The following KIF27 variants were observed in gnomAD, a reference collection of about 807,000 sequenced individuals.
KIF27 encodes the protein kinesin-like protein KIF27.
A neutral mutation model predicts 141.8 loss-of-function variants in KIF27; 84 were observed. That is an observed-to-expected ratio of 0.59 (90% confidence interval 0.50 to 0.71). The LOEUF (loss-of-function observed/expected upper bound fraction) is 0.71, where lower values mean the gene tolerates loss of function less well. KIF27 is among the 30% of genes least tolerant of loss of function. The pLI, the probability that KIF27 is intolerant of heterozygous loss-of-function variation, is 0.00. For missense variants in KIF27, 1,306 were observed against 1,628.4 expected (o/e 0.80, Z 3.41); for synonymous variants, 471 against 569.5 (o/e 0.83, Z 2.46).
At chr9:83,863,296 G>C (rs62561950) in intron 13 of KIF27, among the ~76,000 whole-genome samples, 2,395 of 152,074 alleles carry the variant, frequency 0.016, 79 homozygotes, top group African/African-American at 0.056. Flanking sequence ...CATTCAGTAC[G>C]ATATTGGCTG....
chr9:83,888,477 A>C lies in KIF27; in HGVS notation c.2083+12T>G. The C allele has an allele frequency of 7.6e-7, 1 of 1,316,986 alleles. No individual in the cohort carries two copies. The highest frequency in any genetic ancestry group is 1.3e-5 in the South Asian group (1 of 76,428). The allele number at this position is 1,316,986 out of a possible 1,614,324, so 81.6% of individuals were successfully genotyped here. ...ACCATTAGGTCTACATTATTTAAGA[A>C]GATCTATGTACCTTCATTCTCCAAA... On this transcript the variant is annotated intron_variant, in intron 8 of 17. Transcript: ENST00000297814.
At chr9:83,880,249 C>T (rs1343362452) in intron 11 of KIF27, 48 bp downstream of exon 11, 19 of 1,611,478 alleles carry the variant, frequency 1.2e-5, no homozygotes, top group Non-Finnish European at 1.4e-5. Context: ...AGCTCTGAGC[C>T]GTTTAACATT....
intron 5 of KIF27, among the ~76,000 whole-genome samples, chr9:83,895,951 T>C (rs7038235): frequency 0.2 from 28,351 of 142,960 alleles, 2,102 homozygotes; most frequent in African/African-American, 0.35. Context: ...ACTAGGGAGG[T>C]GGAGGCAGGA....
In KIF27 at chr9:83,853,110, T is replaced by TA. The variant is rs747711977; in HGVS notation, c.3357+518dup. Among the ~76,000 whole-genome samples the TA allele has an allele frequency of 2.8e-3, 433 of 152,304 alleles. 1 individual carries two copies. The highest frequency in any genetic ancestry group is 4.3e-3 in the Non-Finnish European group (291 of 68,024). On this transcript the variant is annotated intron_variant, in intron 15 of 17. Transcript: ENST00000297814. The stretch of plus-strand genomic sequence containing the variant: ...CTGGATCAGTAAATTGTCTAATCTG[T>TA]AAAAAATACATTTTAATTGATTTAA...
intron 3 of KIF27, among the ~76,000 whole-genome samples, chr9:83,905,244 G>C (rs1954392266): frequency 6.6e-6 from 1 of 151,842 alleles, no homozygotes; most frequent in Non-Finnish European, 1.5e-5. Context: ...TCAGCCTCCT[G>C]AGTAGCTGGG....
At chr9:83,838,474 A>G (rs1273056192) in intron 17 of KIF27, among the ~76,000 whole-genome samples, 2 of 152,070 alleles carry the variant, frequency 1.3e-5, no homozygotes, top group Non-Finnish European at 2.9e-5. Context: ...ACCTCAGGTG[A>G]TCCGCCTGCC....
In KIF27 at chr9:83,836,308, T is replaced by C. The variant is rs1223677710; in HGVS notation, c.*693A>G. 6.6e-6 allele frequency among the ~76,000 whole-genome samples: 1 copy of C among 152,018 alleles called. No individual in the cohort carries two copies. The highest frequency in any genetic ancestry group is 2.4e-5 in the African/African-American group (1 of 41,324). ...GAACAGCATTCATTTCTCCCAGTTT[T>C]AGTAACATAATGAGAGATATATTGA... On this transcript the variant is annotated 3_prime_UTR_variant, in exon 18 of 18. Coordinates refer to ENST00000297814, the MANE Select transcript of KIF27 (RefSeq NM_017576.4).
chr9:83,862,102 A>C (rs1407786873), intron 13 of KIF27, among the ~76,000 whole-genome samples: 1 of 151,848 alleles, frequency 6.6e-6, no homozygotes, highest in African/African-American at 2.4e-5. Flanking sequence ...TAGATTGCAA[A>C]AATTTTCTCC....
intron 6 of KIF27, among the ~76,000 whole-genome samples, chr9:83,890,474 A>G (rs1330019585): frequency 6.6e-6 from 1 of 152,252 alleles, no homozygotes; most frequent in Non-Finnish European, 1.5e-5. Flanking sequence ...TAAGGAGCAA[A>G]TAATAAAATC....
At chr9:83,841,671 G>C (rs578009098) in intron 17 of KIF27, among the ~76,000 whole-genome samples, 251 of 151,990 alleles carry the variant, frequency 1.7e-3, no homozygotes, top group African/African-American at 5.8e-3. Context: ...TTAATCATAG[G>C]AATATATTAC....
chr9:83,908,304 A>C (rs2132669713), intron 3 of KIF27, 148 bp downstream of exon 3: 1 of 528,438 alleles, frequency 1.9e-6, no homozygotes, highest in Admixed American at 3.5e-5. Flanking sequence ...ATTAATAATA[A>C]AGCTGTTCAA....
chr9:83,860,662 A>G (rs909045732), intron 13 of KIF27, among the ~76,000 whole-genome samples: 1 of 152,204 alleles, frequency 6.6e-6, no homozygotes, highest in African/African-American at 2.4e-5. Context: ...CTTATCAGGA[A>G]ATCTTTTCAA....
chr9:83,884,031 A>G lies in KIF27; in HGVS notation c.2240-13T>C. The G allele has an allele frequency of 6.7e-7, 1 of 1,498,232 alleles. No homozygotes were observed. Among genetic ancestry groups the G allele is most frequent in the Non-Finnish European group, 9.1e-7 (1 of 1,098,294 alleles). 92.8% of individuals were successfully genotyped at this position (1,498,232 alleles called of 1,614,324 possible). Reference sequence around the variant, plus strand: ...TTGGCATCATTACCTTAACCGTAATAATAATTATTATTAGTATAAATTATG... The same window carrying G: ...TTGGCATCATTACCTTAACCGTAATGATAATTATTATTAGTATAAATTATG... On this transcript the variant is annotated splice_polypyrimidine_tract_variant and intron_variant, in intron 9 of 17. Transcript: ENST00000297814.
At chr9:83,864,537 G>A (rs1462999112) in intron 13 of KIF27, among the ~76,000 whole-genome samples, 1 of 152,218 alleles carries the variant, frequency 6.6e-6, no homozygotes, top group African/African-American at 2.4e-5. Context: ...TAGTCTGAGA[G>A]ACAGTTTGTT....
In KIF27 at chr9:83,880,379, T is replaced by C; in HGVS notation, c.2561A>G (p.Gln854Arg). Residue 854 changes from glutamine to arginine, a missense_variant, in exon 11 of 18, where the codon CAG (glutamine) becomes CGG (arginine). Around this residue, in one of 4 missense-constraint regions of KIF27, gnomAD observed 596 missense variants for 751.6 expected, o/e 0.79. Transcript: ENST00000297814. ...TTCTTCTCGTAGTTTTCTTTGTAGCTGTATCTTTTGATATTTCATGTGATC... is the reference window on the plus strand; with the variant it reads ...TTCTTCTCGTAGTTTTCTTTGTAGCCGTATCTTTTGATATTTCATGTGATC... ...SVDHMKYQKI[Q>R]LQRKLREENE... 5.0e-6 allele frequency: 8 copies of C among 1,606,446 alleles called. No homozygotes were observed. Among genetic ancestry groups the C allele is most frequent in the Non-Finnish European group, 6.8e-6 (8 of 1,175,742 alleles).
At chr9:83,855,231 T>G (rs1294086817) in intron 14 of KIF27, 2 of 152,246 alleles carry the variant, frequency 1.3e-5, no homozygotes, top group South Asian at 4.1e-4. Flanking sequence ...GAAGGGGTTT[T>G]GCCACATTGG....
intron 1 of KIF27, among the ~76,000 whole-genome samples, chr9:83,917,314 GAAGA>G (rs1195209527): frequency 6.6e-5 from 10 of 152,130 alleles, no homozygotes; most frequent in South Asian, 2.1e-4. Context: ...AATACTGTTA[GAAGA>G]AAGCACAAGA....
At chr9:83,848,951 T>C (rs1457006914) in intron 16 of KIF27, 2 of 152,284 alleles carry the variant, frequency 1.3e-5, no homozygotes, top group African/African-American at 4.8e-5. Context: ...TAGCTGGGAC[T>C]ACAGGTGTGT....
In KIF27 at chr9:83,881,125, C is replaced by T. The variant is rs527692084; in HGVS notation, c.2446-631G>A. On this transcript the variant is annotated intron_variant, in intron 10 of 17. Transcript: ENST00000297814. ...GGATGATCAGAGCTGATAACATCTT[C>T]CCTGAGAGTGACCAACCATTATAAT... Among the ~76,000 whole-genome samples the T allele has an allele frequency of 1.9e-4, 29 of 151,906 alleles. 2 individuals carry two copies. Among genetic ancestry groups the T allele is most frequent in the Middle Eastern group, 6.8e-3 (2 of 294 alleles).
Sources: allele counts gnomAD v4.1 joint callset (sites outside exome capture counted in the v4.1 genomes callset), GRCh38; gene constraint gnomAD v4.1.1; regional missense constraint gnomAD v4.1.1; transcripts MANE v1.5; gene names NCBI Gene and HGNC (gene_info 2026-07-23, HGNC 2026-07-21).